The following MIEN1 variants were observed in gnomAD, a reference collection of about 807,000 sequenced individuals.
The protein encoded by MIEN1 is migration and invasion enhancer 1.
Under a neutral mutation model 15.5 loss-of-function variants are expected in MIEN1, and 12 were observed. The ratio of observed to expected loss-of-function variants is 0.78; its 90% confidence interval spans 0.50 to 1.26. The LOEUF is 1.26. Among genes scored for constraint, MIEN1 ranks in the 50% most tolerant of loss-of-function variants. The pLI is 0.00. For missense variants in MIEN1, 160 were observed against 151.7 expected, an observed-to-expected ratio of 1.05 and a Z score of -0.29; for synonymous variants, 63 against 62.8, an observed-to-expected ratio of 1.00 and a Z score of -0.02.
In MIEN1 at chr17:39,728,829, A is replaced by T. The variant is rs2059909126; in HGVS notation, c.*693T>A. On this transcript the variant is annotated 3_prime_UTR_variant, in exon 4 of 4. Transcript: ENST00000394231. ...GGGTTGGGGGAGATCGGGAAGCTGG[A>T]TTCAGATCTGAGAGCCCTTTGACGA... 1 of 202,362 alleles carries T rather than the reference A, an allele frequency of 4.9e-6. No individual in the cohort carries two copies. The highest frequency in any genetic ancestry group is 2.3e-5 in the African/African-American group (1 of 43,564). 12.5% of individuals were successfully genotyped at this position (202,362 alleles called of 1,614,324 possible). A position where few individuals can be genotyped will look rare whatever the true frequency, so the allele number is the denominator to read the frequency against.
In MIEN1 at chr17:39,730,090, G is replaced by A. The variant is rs749919366; in HGVS notation, c.187+104C>T. ...GGCCGGACATTTTACCATGTGCCAG[G>A]CACTGCGGGCACTTTACATAAAGCA... On this transcript the variant is annotated intron_variant, in intron 2 of 3. Transcript: ENST00000394231. 7.7e-5 allele frequency: 83 copies of A among 1,083,824 alleles called. No individual in the cohort carries two copies. In the Middle Eastern group the frequency reaches 7.9e-4, roughly 10 times the overall value. 67.1% of individuals were successfully genotyped at this position (1,083,824 alleles called of 1,614,324 possible).
chr17:39,729,382 C>T lies in MIEN1; in HGVS notation c.*140G>A, dbSNP rs572487875. ...CGGAATCTTCTATTCCTTCTTTGTACCCAAAGGGCAAAGTGGAGGCCAGGG... is the reference window on the plus strand; with the variant it reads ...CGGAATCTTCTATTCCTTCTTTGTATCCAAAGGGCAAAGTGGAGGCCAGGG... On this transcript the variant is annotated 3_prime_UTR_variant, in exon 4 of 4. Coordinates refer to ENST00000394231, the MANE Select transcript of MIEN1 (RefSeq NM_032339.5). The T allele has an allele frequency of 3.3e-5, 35 of 1,056,320 alleles. No individual in the cohort carries two copies. In the African/African-American group the frequency reaches 5.8e-4, roughly 18 times the overall value. The allele number at this position is 1,056,320 out of a possible 1,614,324, so 65.4% of individuals were successfully genotyped here.
chr17:39,729,875 T>G, intron 2 of MIEN1, 114 bp from the exon 3 acceptor site: 2 of 1,353,242 alleles, frequency 1.5e-6, no homozygotes, highest in South Asian at 1.3e-5. Context: ...GGAGACCCAT[T>G]TGTAGCTCCT....
Position 39,729,286 on chromosome 17 carries a change from C to T in MIEN1, c.*236G>A. ...TGGACTGGGCTTTCGTGGGCACTTA[C>T]CCTGGGAAGGGGGTATGAGGTGGCT... On this transcript the variant is annotated 3_prime_UTR_variant, in exon 4 of 4. Coordinates refer to ENST00000394231, the MANE Select transcript of MIEN1 (RefSeq NM_032339.5). 1 of 573,430 alleles carries T rather than the reference C, an allele frequency of 1.7e-6. No homozygotes were observed. Among genetic ancestry groups the T allele is most frequent in the Non-Finnish European group, 3.1e-6 (1 of 322,844 alleles). 35.5% of individuals were successfully genotyped at this position (573,430 alleles called of 1,614,324 possible).
chr17:39,729,962 A>G (rs776522840), intron 2 of MIEN1: 57 of 715,790 alleles, frequency 8.0e-5, no homozygotes, highest in South Asian at 2.9e-4. Flanking sequence ...GCAACACTCA[A>G]TAAAGGACTC....
Position 39,729,344 on chromosome 17 carries a change from GC to G in MIEN1, c.*177del. On this transcript the variant is annotated 3_prime_UTR_variant, in exon 4 of 4. Coordinates refer to ENST00000394231, the MANE Select transcript of MIEN1 (RefSeq NM_032339.5). ...TGTTCATGGAGAGTGTCTCTCTCCT[GC>G]CCCCAAGGCCACGGAATCTTCTATT... is the stretch of plus-strand genomic sequence containing the variant. 7 of 723,252 alleles carry G rather than the reference GC, an allele frequency of 9.7e-6. No individual in the cohort carries two copies. The highest frequency in any genetic ancestry group is 1.6e-5 in the Non-Finnish European group (7 of 433,758). 44.8% of individuals were successfully genotyped at this position (723,252 alleles called of 1,614,324 possible). A position where few individuals can be genotyped will look rare whatever the true frequency, so the allele number is the denominator to read the frequency against.
At position 39,730,184 on chromosome 17, in the gene MIEN1, C is replaced by A. The variant is rs1567919743; in HGVS notation, c.187+10G>T. On this transcript the variant is annotated intron_variant, in intron 2 of 3. Coordinates refer to ENST00000394231, the MANE Select transcript of MIEN1 (RefSeq NM_032339.5). ...ACAGACTGACCCAGCAGGTGTTCTG[C>A]GAGCCTCACCTGTGCCCCCGAGGCG... 6.3e-7 allele frequency: 1 copy of A among 1,595,060 alleles called. No homozygotes were observed. Among genetic ancestry groups the A allele is most frequent in the Non-Finnish European group, 8.5e-7 (1 of 1,174,846 alleles).
Position 39,730,440 on chromosome 17 carries a change from G to C in MIEN1, c.56C>G (p.Pro19Arg), listed in dbSNP as rs550064273. ...CACCACGATGCGGACCCCACTGCCC[G>C]GCTCGACCTCCTCGGGAGGGGGCGC... ...SVAPPPEEVEPGSGVRIVVEY... is the reference protein window; with the variant it reads ...SVAPPPEEVERGSGVRIVVEY... The change falls in exon 1 of 4, where the codon CCG becomes CGG. Residue 19 changes from proline (P) to arginine (R), a missense_variant. Coordinates refer to ENST00000394231, the MANE Select transcript of MIEN1 (RefSeq NM_032339.5). 22 of 1,551,250 alleles carry C rather than the reference G, an allele frequency of 1.4e-5. No homozygotes were observed. The East Asian group carries it at 5.1e-4, about 36-fold the overall frequency.
At position 39,728,680 on chromosome 17, in the gene MIEN1, G is replaced by C. The variant is rs759425454; in HGVS notation, c.*842C>G. The stretch of plus-strand genomic sequence containing the variant: ...AACAGCTAGGCACCGGCCTATGTCT[G>C]GGGGTGGCTCTGTGCCATCCCTTCC... On this transcript the variant is annotated 3_prime_UTR_variant, in exon 4 of 4. Coordinates refer to ENST00000394231, the MANE Select transcript of MIEN1 (RefSeq NM_032339.5). 4.3e-6 allele frequency: 1 copy of C among 230,242 alleles called. No homozygotes were observed. Among genetic ancestry groups the C allele is most frequent in the Non-Finnish European group, 8.6e-6 (1 of 116,256 alleles). The allele number at this position is 230,242 out of a possible 1,614,324, so 14.3% of individuals were successfully genotyped here.
intron 2 of MIEN1, 29 bp downstream of exon 2, chr17:39,730,165 T>A (rs759871222): frequency 6.4e-7 from 1 of 1,574,180 alleles, no homozygotes; most frequent in South Asian, 1.1e-5. Flanking sequence ...GAGCACAGAC[T>A]GACCCAGCAG....
In MIEN1 at chr17:39,729,249, C is replaced by T. The variant is rs537652556; in HGVS notation, c.*273G>A. On this transcript the variant is annotated 3_prime_UTR_variant, in exon 4 of 4. Transcript: ENST00000394231. ...ATCTGTGGCATCAGACAGGTATTAC[C>T]GAGGCGAAGAGTGGACTGGGCTTTC... 22 of 518,962 alleles carry T rather than the reference C, an allele frequency of 4.2e-5. 1 individual carries two copies. The highest frequency in any genetic ancestry group is 4.2e-4 in the South Asian group (17 of 40,158). The allele number at this position is 518,962 out of a possible 1,614,324, so 32.1% of individuals were successfully genotyped here.
Position 39,730,490 on chromosome 17 carries a change from G to C in MIEN1, c.6C>G (p.Ser2Arg), listed in dbSNP as rs547654300. Reference protein sequence around the residue: MSGEPGQTSVAP... With the variant: MRGEPGQTSVAP... ...CTACGGACGTCTGCCCCGGCTCCCC[G>C]CTCATCGCGGCCGGCTCCGCTCGGG... Residue 2 changes from serine to arginine, a missense_variant, in exon 1 of 4, where the codon AGC becomes AGG. Physicochemically the swap from Ser to Arg is moderately radical, Grantham distance 110 (BLOSUM62 -1). Coordinates refer to ENST00000394231, the MANE Select transcript of MIEN1 (RefSeq NM_032339.5). 6.5e-6 allele frequency: 10 copies of C among 1,533,340 alleles called. No homozygotes were observed. The highest frequency in any genetic ancestry group is 1.2e-5 in the South Asian group (1 of 83,452). 95.0% of individuals were successfully genotyped at this position (1,533,340 alleles called of 1,614,324 possible). A position where few individuals can be genotyped will look rare whatever the true frequency, so the allele number is the denominator to read the frequency against.
Position 39,730,183 on chromosome 17 carries a change from G to C in MIEN1, c.187+11C>G, listed in dbSNP as rs1198775538. 6.3e-7 allele frequency: 1 copy of C among 1,594,280 alleles called. No individual in the cohort carries two copies. Among genetic ancestry groups the C allele is most frequent in the Admixed American group, 1.7e-5 (1 of 58,244 alleles). On this transcript the variant is annotated intron_variant, in intron 2 of 3. Coordinates refer to ENST00000394231, the MANE Select transcript of MIEN1 (RefSeq NM_032339.5). ...CACAGACTGACCCAGCAGGTGTTCT[G>C]CGAGCCTCACCTGTGCCCCCGAGGC...
chr17:39,730,330 G>A (rs376188493), intron 1 of MIEN1, 39 bp from the exon 2 acceptor site: 1 of 1,572,122 alleles, frequency 6.4e-7, no homozygotes, highest in South Asian at 1.2e-5. Context: ...GGGGATTCGG[G>A]GGTGGGGCCT....
At position 39,728,622 on chromosome 17, in the gene MIEN1, C is replaced by T. The variant is rs1431358428; in HGVS notation, c.*900G>A. 4.3e-6 allele frequency: 1 copy of T among 233,202 alleles called. No homozygotes were observed. The highest frequency in any genetic ancestry group is 2.2e-5 in the African/African-American group (1 of 45,260). The allele number at this position is 233,202 out of a possible 1,614,324, so 14.4% of individuals were successfully genotyped here. A position where few individuals can be genotyped will look rare whatever the true frequency, so the allele number is the denominator to read the frequency against. ...CAAGTGTGGGGGGTCCTTCTCCACA[C>T]CCACTTTGTCCATTTGCAAATATAT... On this transcript the variant is annotated 3_prime_UTR_variant, in exon 4 of 4. Coordinates refer to ENST00000394231, the MANE Select transcript of MIEN1 (RefSeq NM_032339.5).
At chr17:39,729,933 C>A in intron 2 of MIEN1, 172 bp from the exon 3 acceptor site, 2 of 837,720 alleles carry the variant, frequency 2.4e-6, no homozygotes, top group Non-Finnish European at 3.7e-6. Flanking sequence ...CTGAGGGAGG[C>A]CTCGCCTGTG....
chr17:39,729,342 C>T lies in MIEN1; in HGVS notation c.*180G>A. 1.4e-6 allele frequency: 1 copy of T among 718,400 alleles called. No individual in the cohort carries two copies. The highest frequency in any genetic ancestry group is 2.3e-6 in the Non-Finnish European group (1 of 430,398). 44.5% of individuals were successfully genotyped at this position (718,400 alleles called of 1,614,324 possible). ...AGTGTTCATGGAGAGTGTCTCTCTCCTGCCCCCAAGGCCACGGAATCTTCT... is the reference window on the plus strand; with the variant it reads ...AGTGTTCATGGAGAGTGTCTCTCTCTTGCCCCCAAGGCCACGGAATCTTCT... On this transcript the variant is annotated 3_prime_UTR_variant, in exon 4 of 4. Transcript: ENST00000394231.
In MIEN1 at chr17:39,729,864, T is replaced by C. The variant is rs538184064; in HGVS notation, c.188-103A>G. On this transcript the variant is annotated intron_variant, in intron 2 of 3. Coordinates refer to ENST00000394231, the MANE Select transcript of MIEN1 (RefSeq NM_032339.5). Reference sequence around the variant, plus strand: ...CCTTCAAGTCCCCCATCAATCCCACTGGAGACCCATTTGTAGCTCCTTAAG... The same window carrying C: ...CCTTCAAGTCCCCCATCAATCCCACCGGAGACCCATTTGTAGCTCCTTAAG... The C allele has an allele frequency of 6.9e-6, 10 of 1,443,388 alleles. No individual in the cohort carries two copies. The African/African-American group carries it at 1.4e-4, about 20-fold the overall frequency. The allele number at this position is 1,443,388 out of a possible 1,614,324, so 89.4% of individuals were successfully genotyped here.
intron 2 of MIEN1, 72 bp from the exon 3 acceptor site, chr17:39,729,833 C>T: frequency 1.3e-6 from 2 of 1,589,162 alleles, no homozygotes; most frequent in South Asian, 2.2e-5. Flanking sequence ...CCAAAGGGGT[C>T]CCCCGCCTTC....
Sources: allele counts gnomAD v4.1 joint callset, GRCh38; gene constraint gnomAD v4.1.1; transcripts MANE v1.5; gene names NCBI Gene and HGNC (gene_info 2026-07-23, HGNC 2026-07-21).